Variants in PIP4P1 observed in about 807,000 individuals in gnomAD.
PIP4P1 encodes phosphatidylinositol-4,5-bisphosphate 4-phosphatase 1.
A neutral mutation model predicts 32.3 loss-of-function variants in PIP4P1; 14 were observed. The observed-to-expected ratio is 0.43, with a 90% CI of 0.29 to 0.68. The LOEUF (loss-of-function observed/expected upper bound fraction) is 0.68. Ranked by LOEUF, PIP4P1 falls within the 30% of genes least tolerant of loss-of-function variation. The pLI, the probability that PIP4P1 is intolerant of heterozygous loss-of-function variation, is 0.15. For missense variants in PIP4P1, 289 were observed against 364.5 expected (o/e 0.79, Z 1.69); for synonymous variants, 132 against 137.9 (o/e 0.96, Z 0.30).
rs1318160804 is a variant in PIP4P1 at position 20,458,021 on chromosome 14, T to TTAAA, written c.*534_*537dup. 1.3e-5 allele frequency: 4 copies of TTAAA among 312,188 alleles called. No homozygotes were observed. The highest frequency in any genetic ancestry group is 9.5e-5 in the Admixed American group (2 of 21,044). 19.3% of individuals were successfully genotyped at this position (312,188 alleles called of 1,614,324 possible). ...CAGGAATAGGGGAACATATCCCACATTAAATAGTTATATACACATCAGTTC... is the reference window on the plus strand; with the variant it reads ...CAGGAATAGGGGAACATATCCCACATTAAATAAATAGTTATATACACATCAGTTC... On this transcript the variant is annotated 3_prime_UTR_variant, in exon 7 of 7. Transcript: ENST00000250489.
rs775059468 is a variant in PIP4P1, at chr14:20,458,565, G to T, written c.828C>A (p.Phe276Leu). 1 of 1,613,640 alleles carries T rather than the reference G, an allele frequency of 6.2e-7. No homozygotes were observed. Among genetic ancestry groups the T allele is most frequent in the South Asian group, 1.1e-5 (1 of 91,040 alleles). The stretch of plus-strand genomic sequence containing the variant: ...AGTCTGTGGGTCATCAGGCTCAGGA[G>T]AAGTTCTGGACAGGGTGGCTGACCT... Reference protein sequence around the residue: ...CMKVSHPVQNFS With the variant: ...CMKVSHPVQNLS Residue 276 changes from phenylalanine (F) to leucine (L), a missense_variant, in exon 7 of 7, where the codon TTC (phenylalanine) becomes TTA (leucine). Around this residue, in one of 2 missense-constraint regions of PIP4P1, gnomAD observed 181 missense variants for 263.3 expected, o/e 0.69. Coordinates refer to ENST00000250489, the MANE Select transcript of PIP4P1 (RefSeq NM_144568.4).
At chr14:20,460,345 C>G (rs754480766) in intron 2 of PIP4P1, 47 bp from the exon 3 acceptor site, 3 of 1,289,892 alleles carry the variant, frequency 2.3e-6, no homozygotes, top group Non-Finnish European at 3.3e-6. Flanking sequence ...AATCCCAATC[C>G]CCTCCACTTC....
In PIP4P1 at chr14:20,460,843, A is replaced by G. The variant is rs140952087; in HGVS notation, c.145T>C (p.Phe49Leu). ...TPSAPPYGAA[F>L]PPFPEGHPAV... ...GGATGCCCCTCGGGAAACGGGGGAA[A>G]TGCTGGAGAGGAAGCAAATAGAAGG... is the stretch of plus-strand genomic sequence containing the variant. Residue 49 changes from phenylalanine (F) to leucine (L), a missense_variant and splice_region_variant, in exon 2 of 7, where the codon TTT (phenylalanine) becomes CTT (leucine). Around this residue, in one of 2 missense-constraint regions of PIP4P1, gnomAD observed 108 missense variants for 101.2 expected, o/e 1.07. Transcript: ENST00000250489. The G allele has an allele frequency of 1.4e-4, 224 of 1,549,754 alleles. 1 individual carries two copies. Among genetic ancestry groups the G allele is most frequent in the Middle Eastern group, 1.3e-3 (7 of 5,298 alleles).
Position 20,461,346 on chromosome 14 carries a change from G to A in PIP4P1, c.-21C>T. ...GCCATGGCCGCCACCGCCGCCTCCC[G>A]CTCAGGTCGGCGATCCGGCTCCCTT... On this transcript the variant is annotated 5_prime_UTR_variant, in exon 1 of 7. Transcript: ENST00000250489. 1 of 1,271,766 alleles carries A rather than the reference G, an allele frequency of 7.9e-7. No homozygotes were observed. The allele number at this position is 1,271,766 out of a possible 1,614,324, so 78.8% of individuals were successfully genotyped here.
rs759950378 is a variant in PIP4P1 at position 20,459,640 on chromosome 14, C to A, written c.534G>T (p.Lys178Asn). ...ACCCCTTCCTCACCAGAAAAGTATTCTTGCAATGTCCACAGATAACCCTGA... is the reference window on the plus strand; with the variant it reads ...ACCCCTTCCTCACCAGAAAAGTATTATTGCAATGTCCACAGATAACCCTGA... ...MGVRVICGHC[K>N]NTFLWTEFTD... Residue 178 changes from lysine to asparagine, a missense_variant, in exon 4 of 7, where the codon AAG (lysine) becomes AAT (asparagine). Physicochemically the swap from Lys to Asn is moderately conservative, Grantham distance 94. This residue lies in a region of PIP4P1 where 181 missense variants were observed against 263.3 expected (regional missense o/e 0.69). Transcript: ENST00000250489. The A allele has an allele frequency of 6.2e-7, 1 of 1,614,044 alleles. No homozygotes were observed.
In PIP4P1 at chr14:20,458,542, T is replaced by C; in HGVS notation, c.*17A>G. 2 of 1,612,412 alleles carry C rather than the reference T, an allele frequency of 1.2e-6. No individual in the cohort carries two copies. Among genetic ancestry groups the C allele is most frequent in the Non-Finnish European group, 1.7e-6 (2 of 1,179,058 alleles). Reference sequence around the variant, plus strand: ...CCCACCAGGGAGGGGCCAGGCACAGTCTGTGGGTCATCAGGCTCAGGAGAA... The same window carrying C: ...CCCACCAGGGAGGGGCCAGGCACAGCCTGTGGGTCATCAGGCTCAGGAGAA... On this transcript the variant is annotated 3_prime_UTR_variant, in exon 7 of 7. Transcript: ENST00000250489.
rs1025068367 is a variant in PIP4P1, at chr14:20,458,994, T to TCCTACAGA, written c.690+204_690+211dup. 87 of 635,418 alleles carry TCCTACAGA rather than the reference T, an allele frequency of 1.4e-4. No homozygotes were observed. In the Middle Eastern group the frequency reaches 2.1e-3, roughly 16 times the overall value. 39.4% of individuals were successfully genotyped at this position (635,418 alleles called of 1,614,324 possible). Reference sequence around the variant, plus strand: ...TAAGAATTTCACTGTCCTATCCTCATCCTACAGAGAAAGGAAGGCTGTTTT... The same window carrying TCCTACAGA: ...TAAGAATTTCACTGTCCTATCCTCATCCTACAGACCTACAGAGAAAGGAAGGCTGTTTT... On this transcript the variant is annotated intron_variant, in intron 6 of 6. Transcript: ENST00000250489.
chr14:20,460,787 G>C lies in PIP4P1; in HGVS notation c.201C>G (p.Pro67=), dbSNP rs966228750. The C allele has an allele frequency of 6.2e-7, 1 of 1,601,760 alleles. No homozygotes were observed. The highest frequency in any genetic ancestry group is 8.5e-7 in the Non-Finnish European group (1 of 1,174,394). The change falls in exon 2 of 7, where the codon CCC becomes CCG. Residue 67 remains proline (P), a synonymous_variant. Coordinates refer to ENST00000250489, the MANE Select transcript of PIP4P1 (RefSeq NM_144568.4). The part of the protein sequence containing the change: ...PAVLPGEDPP[P]YSPLTSPDSG... ...TGTCCGGGCTAGTTAAGGGTGAATA[G>C]GGGGGTGGGTCCTCCCCAGGCAACA... is the stretch of plus-strand genomic sequence containing the variant.
Position 20,458,081 on chromosome 14 carries a change from C to A in PIP4P1, c.*478G>T. On this transcript the variant is annotated 3_prime_UTR_variant, in exon 7 of 7. Coordinates refer to ENST00000250489, the MANE Select transcript of PIP4P1 (RefSeq NM_144568.4). Reference sequence around the variant, plus strand: ...TGTACAGAGCAGCGGCTGACCCCACCCCCACAGGACACAATGTGGGGAGAG... The same window carrying A: ...TGTACAGAGCAGCGGCTGACCCCACACCCACAGGACACAATGTGGGGAGAG... 1 of 353,910 alleles carries A rather than the reference C, an allele frequency of 2.8e-6. No individual in the cohort carries two copies. Among genetic ancestry groups the A allele is most frequent in the Non-Finnish European group, 5.6e-6 (1 of 179,664 alleles). 21.9% of individuals were successfully genotyped at this position (353,910 alleles called of 1,614,324 possible).
chr14:20,458,818 A>AC, intron 6 of PIP4P1, 116 bp from the exon 7 acceptor site: 4 of 1,322,914 alleles, frequency 3.0e-6, no homozygotes, highest in Non-Finnish European at 4.1e-6. Context: ...TTCCTTATCC[A>AC]CATGTAGCCA....
Position 20,460,286 on chromosome 14 carries a change from C to T in PIP4P1, c.346G>A (p.Ala116Thr). The change falls in exon 3 of 7, where the codon GCA (alanine) becomes ACA (threonine). Residue 116 changes from alanine (A) to threonine (T), a missense_variant. Physicochemically the swap from Ala to Thr is moderately conservative, Grantham distance 58. Transcript: ENST00000250489. ...VCNEATPIKN[A>T]PPGKKYVRCP... is the part of the protein sequence containing the mutation. ...CGAACATATTTTTTCCCTGGGGGTG[C>T]ATTCTTGATTGGCTAGAGAATAATA... is the stretch of plus-strand genomic sequence containing the variant. The T allele has an allele frequency of 6.2e-7, 1 of 1,613,694 alleles. No individual in the cohort carries two copies. The highest frequency in any genetic ancestry group is 8.5e-7 in the Non-Finnish European group (1 of 1,179,676).
At position 20,459,661 on chromosome 14, in the gene PIP4P1, C is replaced by A. The variant is rs1429218148; in HGVS notation, c.513G>T (p.Arg171Ser). ...LSPEPQPMGV[R>S]VICGHCKNTF... ...TATTCTTGCAATGTCCACAGATAACCCTGACACCCATGGGTTGGGGTTCTG... is the reference window on the plus strand; with the variant it reads ...TATTCTTGCAATGTCCACAGATAACACTGACACCCATGGGTTGGGGTTCTG... Residue 171 changes from arginine to serine, a missense_variant, in exon 4 of 7, where the codon AGG (arginine) becomes AGT (serine). Physicochemically the swap from Arg to Ser is moderately radical, Grantham distance 110. This residue lies in a region of PIP4P1 where 181 missense variants were observed against 263.3 expected (regional missense o/e 0.69). Transcript: ENST00000250489. The A allele has an allele frequency of 7.4e-6, 12 of 1,614,132 alleles. No homozygotes were observed. The highest frequency in any genetic ancestry group is 6.8e-6 in the Non-Finnish European group (8 of 1,180,010).
chr14:20,458,656 G>C lies in PIP4P1; in HGVS notation c.737C>G (p.Ala246Gly). 3 of 1,614,174 alleles carry C rather than the reference G, an allele frequency of 1.9e-6. No individual in the cohort carries two copies. The highest frequency in any genetic ancestry group is 1.7e-6 in the Non-Finnish European group (2 of 1,180,024). The change falls in exon 7 of 7, where the codon GCC becomes GGC. Residue 246 changes from alanine to glycine, a missense_variant. Around this residue, in one of 2 missense-constraint regions of PIP4P1, gnomAD observed 181 missense variants for 263.3 expected, o/e 0.69. Coordinates refer to ENST00000250489, the MANE Select transcript of PIP4P1 (RefSeq NM_144568.4). ...AGCCAACAGGATGACAAATGCCCAG[G>C]CTGCATAGATGCCTCCATATCGCCG... is the stretch of plus-strand genomic sequence containing the variant. ...HARRYGGIYA[A>G]WAFVILLAVL...
rs1881488624 is a variant in PIP4P1, at chr14:20,457,886, C to T, written c.*673G>A. The stretch of plus-strand genomic sequence containing the variant: ...AGTCATGACCTTATTTATTTACAAG[C>T]ACAGGATAAGTCCCTAACCTCCCCC... On this transcript the variant is annotated 3_prime_UTR_variant, in exon 7 of 7. Transcript: ENST00000250489. 5.7e-6 allele frequency: 2 copies of T among 350,350 alleles called. No homozygotes were observed. Among genetic ancestry groups the T allele is most frequent in the East Asian group, 7.4e-5 (1 of 13,534 alleles). The allele number at this position is 350,350 out of a possible 1,614,324, so 21.7% of individuals were successfully genotyped here.
At position 20,458,982 on chromosome 14, in the gene PIP4P1, G is replaced by C; in HGVS notation, c.690+224C>G. 6.3e-6 allele frequency: 4 copies of C among 632,252 alleles called. No individual in the cohort carries two copies. The Admixed American group carries it at 1.2e-4, about 19-fold the overall frequency. The allele number at this position is 632,252 out of a possible 1,614,324, so 39.2% of individuals were successfully genotyped here. A position where few individuals can be genotyped will look rare whatever the true frequency, so the allele number is the denominator to read the frequency against. On this transcript the variant is annotated intron_variant, in intron 6 of 6. Coordinates refer to ENST00000250489, the MANE Select transcript of PIP4P1 (RefSeq NM_144568.4). ...CAACTCTTAAATTAAGAATTTCACTGTCCTATCCTCATCCTACAGAGAAAG... is the reference window on the plus strand; with the variant it reads ...CAACTCTTAAATTAAGAATTTCACTCTCCTATCCTCATCCTACAGAGAAAG...
Position 20,460,294 on chromosome 14 carries a change from A to C in PIP4P1, c.338T>G (p.Ile113Ser). ...TTTTTTCCCTGGGGGTGCATTCTTGATTGGCTAGAGAATAATAGGGTCATC... is the reference window on the plus strand; with the variant it reads ...TTTTTTCCCTGGGGGTGCATTCTTGCTTGGCTAGAGAATAATAGGGTCATC... Reference protein sequence around the residue: ...KCGVCNEATPIKNAPPGKKYV... With the variant: ...KCGVCNEATPSKNAPPGKKYV... The change falls in exon 3 of 7, where the codon ATC becomes AGC. Residue 113 changes from isoleucine (I) to serine (S), a missense_variant. Transcript: ENST00000250489. The C allele has an allele frequency of 6.2e-7, 1 of 1,612,908 alleles. No homozygotes were observed. Among genetic ancestry groups the C allele is most frequent in the Non-Finnish European group, 8.5e-7 (1 of 1,178,994 alleles).
At chr14:20,458,973 A>C (rs1881584465) in intron 6 of PIP4P1, 1 of 622,480 alleles carries the variant, frequency 1.6e-6, no homozygotes, top group Non-Finnish European at 2.8e-6. Flanking sequence ...TTAAATTAAG[A>C]ATTTCACTGT....
At position 20,458,069 on chromosome 14, in the gene PIP4P1, G is replaced by A. The variant is rs538275669; in HGVS notation, c.*490C>T. ...TTCCTGTGGTTCTGTACAGAGCAGC[G>A]GCTGACCCCACCCCCACAGGACACA... is the stretch of plus-strand genomic sequence containing the variant. On this transcript the variant is annotated 3_prime_UTR_variant, in exon 7 of 7. Transcript: ENST00000250489. The A allele has an allele frequency of 1.9e-4, 66 of 351,862 alleles. No individual in the cohort carries two copies. Among genetic ancestry groups the A allele is most frequent in the Middle Eastern group, 2.1e-3 (2 of 974 alleles). The allele number at this position is 351,862 out of a possible 1,614,324, so 21.8% of individuals were successfully genotyped here. A position where few individuals can be genotyped will look rare whatever the true frequency, so the allele number is the denominator to read the frequency against.
In PIP4P1 at chr14:20,460,257, G is replaced by A. The variant is rs1881651160; in HGVS notation, c.375C>T (p.Cys125=). 2 of 1,613,948 alleles carry A rather than the reference G, an allele frequency of 1.2e-6. No individual in the cohort carries two copies. The highest frequency in any genetic ancestry group is 1.7e-6 in the Non-Finnish European group (2 of 1,180,008). ...TGCAGATAAGGAGACAGTTACAGGG[G>A]CATCGAACATATTTTTTCCCTGGGG... is the stretch of plus-strand genomic sequence containing the variant. ...NAPPGKKYVR[C]PCNCLLICKV... The change falls in exon 3 of 7, where the codon TGC becomes TGT. Residue 125 remains cysteine (C), a synonymous_variant. Coordinates refer to ENST00000250489, the MANE Select transcript of PIP4P1 (RefSeq NM_144568.4).
Sources: allele counts gnomAD v4.1 joint callset, GRCh38; gene constraint gnomAD v4.1.1; regional missense constraint gnomAD v4.1.1; transcripts MANE v1.5; gene names NCBI Gene and HGNC (gene_info 2026-07-23, HGNC 2026-07-21).